Variants in STXBP5L observed in about 807,000 individuals in gnomAD.
The protein encoded by STXBP5L is syntaxin-binding protein 5-like.
In STXBP5L, 65 loss-of-function variants were observed where a neutral mutation model predicts 144.5. The ratio of observed to expected loss-of-function variants is 0.45; its 90% CI spans 0.37 to 0.55. The LOEUF is 0.55. STXBP5L is among the 20% of genes least tolerant of loss of function. The probability of loss-of-function intolerance (pLI) is 0.00; values close to 1 mark genes in which losing one functional copy is unlikely to be tolerated. For missense variants in STXBP5L, 1,298 were observed against 1,405.5 expected (o/e 0.92, Z 1.22); for synonymous variants, 505 against 469.6 (o/e 1.08, Z -0.97).
At chr3:121,165,026 T>C (rs888828367) in intron 9 of STXBP5L, among the ~76,000 whole-genome samples, 2 of 152,126 alleles carry the variant, frequency 1.3e-5, no homozygotes, top group African/African-American at 2.4e-5. Flanking sequence ...ATTTTAGCTG[T>C]TTTTGCCACC....
At chr3:121,061,626 A>G (rs2604306) in intron 5 of STXBP5L, among the ~76,000 whole-genome samples, 3 of 152,144 alleles carry the variant, frequency 2.0e-5, no homozygotes, top group African/African-American at 7.2e-5. Context: ...GGTCTCTAAG[A>G]ACTTGCCTAG....
intron 20 of STXBP5L, among the ~76,000 whole-genome samples, chr3:121,347,333 C>A (rs370575149): frequency 4.5e-4 from 69 of 152,104 alleles, no homozygotes; most frequent in Non-Finnish European, 8.4e-4. Context: ...GGTACCAGTA[C>A]CATGCTGTTT....
intron 20 of STXBP5L, among the ~76,000 whole-genome samples, chr3:121,339,816 A>G (rs757904634): frequency 1.4e-4 from 15 of 108,616 alleles, no homozygotes; most frequent in Non-Finnish European, 2.7e-4. Context: ...ATAATAGCTG[A>G]AAAAAAAAAA....
At chr3:121,345,060 G>T (rs1480058496) in intron 20 of STXBP5L, among the ~76,000 whole-genome samples, 1 of 151,846 alleles carries the variant, frequency 6.6e-6, no homozygotes, top group Non-Finnish European at 1.5e-5. Context: ...TGCACAACAT[G>T]CAGGTTTGAT....
At chr3:121,369,032 A>G (rs1560028208) in intron 20 of STXBP5L, among the ~76,000 whole-genome samples, 1 of 152,144 alleles carries the variant, frequency 6.6e-6, no homozygotes, top group East Asian at 1.9e-4. Flanking sequence ...CAAATCCCTG[A>G]TTTTTTAAGG....
At chr3:121,001,535 C>T (rs1167282068) in intron 3 of STXBP5L, among the ~76,000 whole-genome samples, 1 of 152,184 alleles carries the variant, frequency 6.6e-6, no homozygotes, top group African/African-American at 2.4e-5. Context: ...ACCCTCTGGG[C>T]TTTGCAGGAT....
intron 12 of STXBP5L, among the ~76,000 whole-genome samples, chr3:121,238,539 C>G (rs928020464): frequency 8.6e-5 from 13 of 151,796 alleles, no homozygotes; most frequent in Non-Finnish European, 2.9e-5. Context: ...CATAGCACTC[C>G]CATTGAAAGA....
At chr3:121,015,825 A>G (rs754992945) in intron 3 of STXBP5L, among the ~76,000 whole-genome samples, 28 of 152,190 alleles carry the variant, frequency 1.8e-4, no homozygotes, top group Non-Finnish European at 3.7e-4. Context: ...GTCTCATCAG[A>G]TGGGGGCAAA....
intron 9 of STXBP5L, among the ~76,000 whole-genome samples, chr3:121,188,313 G>C (rs1330751944): frequency 6.6e-6 from 1 of 152,086 alleles, no homozygotes; most frequent in South Asian, 2.1e-4. Context: ...AAATGTAAAA[G>C]AATAGAAATC....
At chr3:121,250,816 A>C in intron 15 of STXBP5L, 53 bp downstream of exon 15, 1 of 1,479,720 alleles carries the variant, frequency 6.8e-7, no homozygotes, top group Non-Finnish European at 9.3e-7. Context: ...ATTTACTTAT[A>C]GCCAGCTACC....
chr3:121,153,101 T>A (rs1444270255), intron 8 of STXBP5L, among the ~76,000 whole-genome samples: 1 of 152,112 alleles, frequency 6.6e-6, no homozygotes, highest in African/African-American at 2.4e-5. Context: ...GTGACACTTA[T>A]TAAATGACCA....
In STXBP5L at chr3:121,105,099, C is replaced by G. The variant is rs182589583; in HGVS notation, c.471-9826C>G. 5.3e-5 allele frequency among the ~76,000 whole-genome samples: 8 copies of G among 152,174 alleles called. No individual in the cohort carries two copies. The East Asian group carries it at 1.5e-3, about 29-fold the overall frequency. On this transcript the variant is annotated intron_variant, in intron 5 of 26. Transcript: ENST00000471454. The stretch of plus-strand genomic sequence containing the variant: ...GCTAAGGACATGAATAGACAGTTCT[C>G]AAAAGATGTACAAGTGGACTGGGCA...
rs922354680 is a variant in STXBP5L at position 121,128,047 on chromosome 3, A to C, written c.669+6343A>C. 2.6e-5 allele frequency among the ~76,000 whole-genome samples: 4 copies of C among 152,264 alleles called. 1 individual carries two copies. The highest frequency in any genetic ancestry group is 3.9e-4 in the East Asian group (2 of 5,184). ...CATAAATCTTCCTCAAGGAATAAAT[A>C]AACTATATTTGAAAGAAATAGAATA... is the stretch of plus-strand genomic sequence containing the variant. On this transcript the variant is annotated intron_variant, in intron 7 of 26. Coordinates refer to ENST00000471454, the MANE Select transcript of STXBP5L (RefSeq NM_001308330.2).
chr3:121,369,426 T>C (rs1415105351), intron 20 of STXBP5L, among the ~76,000 whole-genome samples: 1 of 149,540 alleles, frequency 6.7e-6, no homozygotes, highest in Admixed American at 6.6e-5. Flanking sequence ...AGTTTTTTCT[T>C]TCTTCTTTGT....
rs1440820605 is a variant in STXBP5L, at chr3:121,424,355, GCTTA to G, written c.*5260_*5263del. On this transcript the variant is annotated 3_prime_UTR_variant, in exon 27 of 27. Transcript: ENST00000471454. ...ATGACATCCAGTGCCCTGAAAGGGT[GCTTA>G]CACCTTCAAAAAAGGAGAGTCCAGC... The G allele has an allele frequency of 6.6e-6, 1 of 152,148 alleles. No individual in the cohort carries two copies. The highest frequency in any genetic ancestry group is 1.9e-4 in the East Asian group (1 of 5,192). 9.4% of individuals were successfully genotyped at this position (152,148 alleles called of 1,614,324 possible). A position where few individuals can be genotyped will look rare whatever the true frequency, so the allele number is the denominator to read the frequency against.
At chr3:120,962,882 C>T (rs754053157) in intron 3 of STXBP5L, among the ~76,000 whole-genome samples, 1 of 152,102 alleles carries the variant, frequency 6.6e-6, no homozygotes, top group African/African-American at 2.4e-5. Flanking sequence ...GCCATTTTCA[C>T]TATATTGATT....
At chr3:121,147,450 A>G (rs1390435061) in intron 7 of STXBP5L, among the ~76,000 whole-genome samples, 2 of 152,134 alleles carry the variant, frequency 1.3e-5, no homozygotes, top group Non-Finnish European at 2.9e-5. Flanking sequence ...AACTTGTGCA[A>G]TGTAGCTAAA....
At chr3:121,204,961 C>A (rs2108228181) in intron 9 of STXBP5L, among the ~76,000 whole-genome samples, 1 of 152,140 alleles carries the variant, frequency 6.6e-6, no homozygotes, top group African/African-American at 2.4e-5. Flanking sequence ...ATGAATACAT[C>A]ATTAAAATGA....
chr3:121,017,400 A>C (rs895796387), intron 3 of STXBP5L, among the ~76,000 whole-genome samples: 10 of 152,228 alleles, frequency 6.6e-5, no homozygotes, highest in African/African-American at 1.7e-4. Flanking sequence ...TGTATCCCCA[A>C]GGATTTCTAT....
Sources: allele counts gnomAD v4.1 joint callset (sites outside exome capture counted in the v4.1 genomes callset), GRCh38; gene constraint gnomAD v4.1.1; transcripts MANE v1.5; gene names NCBI Gene and HGNC (gene_info 2026-07-23, HGNC 2026-07-21).